Variants in LIN52 observed in about 807,000 individuals in gnomAD.
LIN52 encodes protein lin-52 homolog.
Under a neutral mutation model 18.5 loss-of-function variants are expected in LIN52, and 4 were observed. The ratio of observed to expected loss-of-function variants is 0.22; its 90% CI spans 0.11 to 0.49. LIN52 has a LOEUF of 0.49. Among genes scored for constraint, LIN52 ranks in the 20% least tolerant of loss-of-function variants. The probability of loss-of-function intolerance (pLI) is 0.97; values close to 1 mark genes in which losing one functional copy is unlikely to be tolerated. For synonymous variants in LIN52, 34 were observed against 45.5 expected, an observed-to-expected ratio of 0.75 and a Z score of 1.02; for missense variants, 102 against 139.5, an observed-to-expected ratio of 0.73 and a Z score of 1.35.
chr14:74,110,879 T>A (rs1254143192), intron 5 of LIN52, among the ~76,000 whole-genome samples: 1 of 149,302 alleles, frequency 6.7e-6, no homozygotes, highest in African/African-American at 2.5e-5. Context: ...GGCAGGAGAA[T>A]GGCATGAACC....
chr14:74,088,563 A>G (rs1426908800), intron 1 of LIN52, among the ~76,000 whole-genome samples: 1 of 152,192 alleles, frequency 6.6e-6, no homozygotes, highest in African/African-American at 2.4e-5. Context: ...TTCCTCAGAA[A>G]TCGGTAACAA....
rs71460959 is a variant in LIN52, at chr14:74,137,498, C to CTTTTTTTTT, written c.283+36270_283+36278dup. The stretch of plus-strand genomic sequence containing the variant: ...GCACTAAATTCTTCACAGCAGCTCT[C>CTTTTTTTTT]TTTTTTTTTTTTTTTTTTGAGATGG... On this transcript the variant is annotated intron_variant, in intron 5 of 5. Coordinates refer to ENST00000555028, the MANE Select transcript of LIN52 (RefSeq NM_001024674.3). Among the ~76,000 whole-genome samples the CTTTTTTTTT allele has an allele frequency of 6.2e-3, 689 of 111,544 alleles. 56 individuals carry two copies. Among genetic ancestry groups the CTTTTTTTTT allele is most frequent in the African/African-American group, 0.022 (602 of 26,818 alleles). 73.2% of individuals were successfully genotyped at this position (111,544 alleles called of 152,430 possible). A position where few individuals can be genotyped will look rare whatever the true frequency, so the allele number is the denominator to read the frequency against.
intron 5 of LIN52, among the ~76,000 whole-genome samples, chr14:74,109,685 C>T (rs2060915704): frequency 6.6e-6 from 1 of 152,100 alleles, no homozygotes; most frequent in South Asian, 2.1e-4. Flanking sequence ...TAAATTTTTT[C>T]CTAAGTACTT....
chr14:74,182,495 A>C (rs2061322273), intron 5 of LIN52, among the ~76,000 whole-genome samples: 1 of 152,028 alleles, frequency 6.6e-6, no homozygotes, highest in African/African-American at 2.4e-5. Context: ...GATTTGTCCA[A>C]ATCAGCCAAG....
rs1018776148 is a variant in LIN52 at position 74,137,172 on chromosome 14, ATT to A, written c.283+35940_283+35941del. 9.1e-3 allele frequency among the ~76,000 whole-genome samples: 1,074 copies of A among 118,008 alleles called. 7 individuals carry two copies. Among genetic ancestry groups the A allele is most frequent in the Middle Eastern group, 0.037 (9 of 240 alleles). 77.4% of individuals were successfully genotyped at this position (118,008 alleles called of 152,430 possible). On this transcript the variant is annotated intron_variant, in intron 5 of 5. Coordinates refer to ENST00000555028, the MANE Select transcript of LIN52 (RefSeq NM_001024674.3). ...TATATATGAATATATATATATATATATTTTTTTAATCTATATTACGTATTGAT... is the reference window on the plus strand; with the variant it reads ...TATATATGAATATATATATATATATATTTTTAATCTATATTACGTATTGAT...
intron 5 of LIN52, among the ~76,000 whole-genome samples, chr14:74,118,038 C>T (rs1027945593): frequency 1.3e-5 from 2 of 152,154 alleles, no homozygotes; most frequent in South Asian, 2.1e-4. Context: ...GGTTGGATAA[C>T]GGTAAAGACG....
chr14:74,176,951 A>G (rs977001989), intron 5 of LIN52, among the ~76,000 whole-genome samples: 1 of 152,050 alleles, frequency 6.6e-6, no homozygotes, highest in African/African-American at 2.4e-5. Context: ...TTACATGGAT[A>G]AACTATGTTT....
chr14:74,087,955 A>C (rs543901825), intron 1 of LIN52, among the ~76,000 whole-genome samples: 2 of 152,072 alleles, frequency 1.3e-5, no homozygotes, highest in Admixed American at 1.3e-4. Flanking sequence ...CTCTCACTCT[A>C]TTGCCCATGC....
chr14:74,113,360 C>T (rs907182104), intron 5 of LIN52, among the ~76,000 whole-genome samples: 13 of 151,990 alleles, frequency 8.6e-5, no homozygotes, highest in African/African-American at 3.1e-4. Context: ...CCACTGCATT[C>T]CAGCCTGGGC....
chr14:74,194,459 G>A (rs2078897914), intron 5 of LIN52, among the ~76,000 whole-genome samples: 1 of 152,160 alleles, frequency 6.6e-6, no homozygotes, highest in Non-Finnish European at 1.5e-5. Context: ...GTATACCCAG[G>A]TATTTACAGC....
At chr14:74,127,001 A>G (rs2061033293) in intron 5 of LIN52, among the ~76,000 whole-genome samples, 1 of 152,204 alleles carries the variant, frequency 6.6e-6, no homozygotes, top group South Asian at 2.1e-4. Context: ...TTGGTCATCA[A>G]TTTCCTGAGC....
At position 74,166,188 on chromosome 14, in the gene LIN52, G is replaced by T. The variant is rs554439503; in HGVS notation, c.284-32734G>T. Among the ~76,000 whole-genome samples, 5 of 151,592 alleles carry T rather than the reference G, an allele frequency of 3.3e-5. No individual in the cohort carries two copies. The East Asian group carries it at 9.7e-4, about 30-fold the overall frequency. ...TTACAGGCGTGAGCCACTGCGCCCA[G>T]CTATTTCATCTATTTTTAACAATTA... On this transcript the variant is annotated intron_variant, in intron 5 of 5. Coordinates refer to ENST00000555028, the MANE Select transcript of LIN52 (RefSeq NM_001024674.3).
intron 5 of LIN52, among the ~76,000 whole-genome samples, chr14:74,182,973 G>A (rs1334819641): frequency 6.6e-6 from 1 of 152,088 alleles, no homozygotes. Context: ...GTTTGATTTG[G>A]TAGATTTTAA....
At chr14:74,180,907 AAGACCAGC>A (rs1566868704) in intron 5 of LIN52, among the ~76,000 whole-genome samples, 2 of 152,054 alleles carry the variant, frequency 1.3e-5, no homozygotes, top group Admixed American at 1.3e-4. Flanking sequence ...CAAGGAGTTC[AAGACCAGC>A]CTGAGCAACG....
At chr14:74,123,614 G>A (rs1339283165) in intron 5 of LIN52, among the ~76,000 whole-genome samples, 2 of 152,202 alleles carry the variant, frequency 1.3e-5, no homozygotes, top group African/African-American at 2.4e-5. Context: ...AGGAGGATGT[G>A]TAGCATTAAA....
intron 5 of LIN52, among the ~76,000 whole-genome samples, chr14:74,164,743 A>G (rs1161565465): frequency 1.3e-5 from 2 of 152,180 alleles, no homozygotes; most frequent in African/African-American, 2.4e-5. Context: ...TGGAAGTTCT[A>G]CAACTAAACA....
chr14:74,184,540 A>G (rs1595190597), intron 5 of LIN52, among the ~76,000 whole-genome samples: 1 of 152,332 alleles, frequency 6.6e-6, no homozygotes, highest in East Asian at 1.9e-4. Flanking sequence ...CTTCACATCA[A>G]GACTGACATG....
chr14:74,145,637 G>A (rs988737951), intron 5 of LIN52, among the ~76,000 whole-genome samples: 27 of 152,210 alleles, frequency 1.8e-4, no homozygotes, highest in African/African-American at 6.5e-4. Flanking sequence ...AAAGTCAGAA[G>A]TATTCAGAGG....
chr14:74,158,945 C>T (rs540193880), intron 5 of LIN52, among the ~76,000 whole-genome samples: 9 of 152,188 alleles, frequency 5.9e-5, no homozygotes, highest in Admixed American at 5.2e-4. Flanking sequence ...GATGTTATAT[C>T]CAGATGGTTA....
Sources: allele counts gnomAD v4.1 joint callset (sites outside exome capture counted in the v4.1 genomes callset), GRCh38; gene constraint gnomAD v4.1.1; transcripts MANE v1.5; gene names NCBI Gene and HGNC (gene_info 2026-07-23, HGNC 2026-07-21).